Variants in TTC6 observed in about 807,000 individuals in gnomAD.
The protein encoded by TTC6 is tetratricopeptide repeat protein 6.
TTC6 carries 172 observed loss-of-function variants against 210.4 expected under a neutral mutation model. The ratio of observed to expected loss-of-function variants is 0.82; its 90% CI spans 0.72 to 0.93. The LOEUF is 0.93. Ranked by LOEUF, TTC6 falls within the 40% of genes least tolerant of loss-of-function variation. The pLI, the probability that TTC6 is intolerant of heterozygous loss-of-function variation, is 0.00. For synonymous variants in TTC6, 804 were observed against 819.6 expected (o/e 0.98, Z 0.32); for missense variants, 2,414 against 2,318.1 (o/e 1.04, Z -0.85).
chr14:37,790,049 C>T (rs543044247), intron 15 of TTC6, among the ~76,000 whole-genome samples: 88 of 152,188 alleles, frequency 5.8e-4, no homozygotes, highest in African/African-American at 2.1e-3. Flanking sequence ...AGACAGGTTA[C>T]TGATGAGAGT....
At chr14:37,779,370 C>G (rs984109738) in intron 14 of TTC6, among the ~76,000 whole-genome samples, 8 of 151,988 alleles carry the variant, frequency 5.3e-5, no homozygotes, top group African/African-American at 1.7e-4. Flanking sequence ...GCTTAGAAGT[C>G]TTTTTTTTGG....
At chr14:37,786,247 G>T (rs1319735577) in intron 14 of TTC6, among the ~76,000 whole-genome samples, 2 of 152,188 alleles carry the variant, frequency 1.3e-5, no homozygotes, top group Non-Finnish European at 2.9e-5. Flanking sequence ...AGGCAGGCAG[G>T]CCTCCTTGAG....
rs535526396 is a variant in TTC6 at position 37,674,337 on chromosome 14, A to G, written c.940-5814A>G. On this transcript the variant is annotated intron_variant, in intron 1 of 30. Transcript: ENST00000553443. ...CAAGTAACAGTTATGTGGTTAGTTC[A>G]TTTCTTATAATTATGTTCTTTTCTG... is the stretch of plus-strand genomic sequence containing the variant. Among the ~76,000 whole-genome samples the G allele has an allele frequency of 4.6e-5, 7 of 152,170 alleles. No individual in the cohort carries two copies. The East Asian group carries it at 7.7e-4, about 17-fold the overall frequency.
rs189178010 is a variant in TTC6, at chr14:37,753,876, T to C, written c.3266+641T>C. Among the ~76,000 whole-genome samples the C allele has an allele frequency of 1.1e-3, 161 of 152,230 alleles. 1 individual carries two copies. Among genetic ancestry groups the C allele is most frequent in the African/African-American group, 3.8e-3 (157 of 41,550 alleles). ...TCGTGCATTGTACAGTTTTCATTTG[T>C]ACATAGCATAGTTTTCATTATCCTA... On this transcript the variant is annotated intron_variant, in intron 14 of 30. Transcript: ENST00000553443.
exon 11 of TTC6, chr14:37,749,240 G>C (rs1382085296): frequency 6.5e-7 from 1 of 1,528,878 alleles, no homozygotes; most frequent in South Asian, 1.2e-5. Flanking sequence ...TGTGGAGTCT[G>C]ATCTTCCACA....
At chr14:37,797,894 A>G (rs2096096402) in intron 20 of TTC6, among the ~76,000 whole-genome samples, 1 of 152,010 alleles carries the variant, frequency 6.6e-6, no homozygotes, top group Non-Finnish European at 1.5e-5. Flanking sequence ...AGTATCCTTT[A>G]TTGAAATGTT....
At chr14:37,809,622 C>T (rs1221274722) in intron 24 of TTC6, among the ~76,000 whole-genome samples, 2 of 152,000 alleles carry the variant, frequency 1.3e-5, no homozygotes, top group African/African-American at 4.8e-5. Context: ...GTCCTCAGAC[C>T]ACACATGTAG....
intron 2 of TTC6, among the ~76,000 whole-genome samples, chr14:37,609,737 T>C (rs912075930): frequency 4.6e-5 from 7 of 152,176 alleles, no homozygotes; most frequent in African/African-American, 1.2e-4. Context: ...GAACATGGCA[T>C]GTATATTATT....
intron 2 of TTC6, among the ~76,000 whole-genome samples, chr14:37,607,877 A>G (rs918488190): frequency 1.3e-5 from 2 of 152,200 alleles, no homozygotes; most frequent in Non-Finnish European, 2.9e-5. Context: ...ATTTTGCTAT[A>G]TGATATCTAG....
chr14:37,696,856 AT>A (rs2095815838), intron 4 of TTC6, 21 bp downstream of exon 6: 2 of 1,116,932 alleles, frequency 1.8e-6, no homozygotes, highest in Admixed American at 7.3e-5. Context: ...TAAATTTATA[AT>A]TTTTCTATTG....
chr14:37,827,437 T>A, intron 29 of TTC6, 71 bp downstream of exon 31: 1 of 1,417,790 alleles, frequency 7.1e-7, no homozygotes, highest in Non-Finnish European at 9.7e-7. Context: ...AGCTTCAAAG[T>A]ATAATTCATA....
chr14:37,733,187 A>G (rs1235199058), intron 7 of TTC6, among the ~76,000 whole-genome samples: 1 of 152,168 alleles, frequency 6.6e-6, no homozygotes, highest in South Asian at 2.1e-4. Flanking sequence ...CTTTGATTCC[A>G]TTTACCCCTT....
rs2096145010 is a variant in TTC6 at position 37,817,563 on chromosome 14, A to C, written c.4690-15A>C. 6.2e-7 allele frequency: 1 copy of C among 1,611,826 alleles called. No individual in the cohort carries two copies. ...AATGTTGCAAAATTAACAAAAGCTT[A>C]TAACATTATTTCAGGATTTTAAACA... On this transcript the variant is annotated splice_polypyrimidine_tract_variant and intron_variant, in intron 25 of 30. Transcript: ENST00000553443.
chr14:37,729,616 C>A (rs1392387274), intron 7 of TTC6, among the ~76,000 whole-genome samples: 2 of 152,120 alleles, frequency 1.3e-5, no homozygotes, highest in Non-Finnish European at 2.9e-5. Flanking sequence ...TAGAACTGCT[C>A]CGTGGTCTGA....
intron 26 of TTC6, among the ~76,000 whole-genome samples, chr14:37,819,894 G>A (rs1450003011): frequency 2.6e-5 from 4 of 152,304 alleles, no homozygotes; most frequent in Non-Finnish European, 4.4e-5. Context: ...TTCACAGAAC[G>A]TCGTAAGTAG....
intron 18 of TTC6, 69 bp downstream of exon 20, chr14:37,795,421 G>A (rs1033337922): frequency 8.4e-6 from 9 of 1,070,700 alleles, no homozygotes; most frequent in Non-Finnish European, 9.2e-6. Flanking sequence ...GGGATCTTCA[G>A]TTCCCTCTTG....
At chr14:37,622,187 C>T in exon 1 of TTC6, 1 of 1,535,576 alleles carries the variant, frequency 6.5e-7, no homozygotes, top group South Asian at 1.2e-5. Flanking sequence ...AGAAGTTGGC[C>T]TCCAAGCCGG....
intron 3 of TTC6, among the ~76,000 whole-genome samples, chr14:37,690,860 T>C (rs2095802292): frequency 6.6e-6 from 1 of 152,190 alleles, no homozygotes; most frequent in Non-Finnish European, 1.5e-5. Context: ...ATCTGCACTA[T>C]AGAGCAATGG....
chr14:37,762,010 T>C lies in TTC6; in HGVS notation c.3266+8775T>C, dbSNP rs537919977. ...ATAACACCCAACCTCTAATAACCAG[T>C]ATTGTTCTACTCGCTGCCTCTATAT... is the stretch of plus-strand genomic sequence containing the variant. On this transcript the variant is annotated intron_variant, in intron 14 of 30. Coordinates refer to ENST00000553443, the Ensembl canonical transcript of TTC6. 4.6e-5 allele frequency among the ~76,000 whole-genome samples: 7 copies of C among 152,304 alleles called. 1 individual carries two copies. The South Asian group carries it at 1.0e-3, about 23-fold the overall frequency.
Sources: allele counts gnomAD v4.1 joint callset (sites outside exome capture counted in the v4.1 genomes callset), GRCh38; gene constraint gnomAD v4.1.1; transcripts MANE v1.5; gene names NCBI Gene and HGNC (gene_info 2026-07-23, HGNC 2026-07-21).